The following KDM4C variants were observed in gnomAD, a reference collection of about 807,000 sequenced individuals.
The protein encoded by KDM4C is lysine-specific demethylase 4C.
A neutral mutation model predicts 129.3 loss-of-function variants in KDM4C; 81 were observed. The ratio of observed to expected loss-of-function variants is 0.63; its 90% confidence interval spans 0.52 to 0.75. The LOEUF (loss-of-function observed/expected upper bound fraction) is 0.75. Among genes scored for constraint, KDM4C ranks in the 30% least tolerant of loss-of-function variants. The pLI, the probability that KDM4C is intolerant of heterozygous loss-of-function variation, is 0.00. For synonymous variants in KDM4C, 573 were observed against 456.1 expected (o/e 1.26, Z -3.26); for missense variants, 1,457 against 1,304.0 (o/e 1.12, Z -1.81).
chr9:7,077,214 C>G (rs1319219560), intron 17 of KDM4C: 8 of 985,306 alleles, frequency 8.1e-6, no homozygotes, highest in Non-Finnish European at 9.6e-6. Flanking sequence ...CATTGGCATT[C>G]AAGATGCAAC....
At chr9:7,174,098 A>G (rs1845220312) in intron 21 of KDM4C, among the ~76,000 whole-genome samples, 1 of 152,252 alleles carries the variant, frequency 6.6e-6, no homozygotes, top group Non-Finnish European at 1.5e-5. Context: ...TTGGCAGACT[A>G]GTCAAGTCAG....
intron 19 of KDM4C, among the ~76,000 whole-genome samples, chr9:7,147,847 T>C (rs2130037250): frequency 6.6e-6 from 1 of 152,330 alleles, no homozygotes; most frequent in South Asian, 2.1e-4. Context: ...CCTTAGGGTG[T>C]TGCTTTGCCA....
chr9:6,952,687 T>A lies in KDM4C; in HGVS notation c.922-28238T>A, dbSNP rs556806873. Among the ~76,000 whole-genome samples, 22 of 152,194 alleles carry A rather than the reference T, an allele frequency of 1.4e-4. No homozygotes were observed. In the East Asian group the frequency reaches 4.2e-3, roughly 29 times the overall value. ...AACTCCTGACCTCAGTTGATTCACC[T>A]GCCTTGGCCTCCCAAACTGATGGGA... On this transcript the variant is annotated intron_variant, in intron 8 of 21. Coordinates refer to ENST00000381309, the MANE Select transcript of KDM4C (RefSeq NM_015061.6).
chr9:6,956,402 A>C (rs1353992758), intron 8 of KDM4C, among the ~76,000 whole-genome samples: 1 of 152,166 alleles, frequency 6.6e-6, no homozygotes, highest in Non-Finnish European at 1.5e-5. Flanking sequence ...AAAAATTTAA[A>C]AAATTAAAAA....
chr9:7,012,017 T>G, intron 13 of KDM4C, 138 bp downstream of exon 13: 5 of 648,816 alleles, frequency 7.7e-6, no homozygotes, highest in Non-Finnish European at 1.3e-5. Context: ...ATGGCTTTCA[T>G]AGAACCACAA....
intron 15 of KDM4C, among the ~76,000 whole-genome samples, chr9:7,029,148 A>G (rs1287252970): frequency 6.6e-6 from 1 of 152,114 alleles, no homozygotes; most frequent in Non-Finnish European, 1.5e-5. Context: ...TCCTCTCATT[A>G]CTTTTGACTT....
At chr9:7,015,728 A>C in intron 14 of KDM4C, 125 bp from the exon 15 acceptor site, 1 of 604,404 alleles carries the variant, frequency 1.7e-6, no homozygotes, top group Middle Eastern at 3.3e-4. Context: ...GTTTTGTTCT[A>C]TACAGTGAGA....
At chr9:6,807,282 G>A (rs1292050961) in intron 3 of KDM4C, among the ~76,000 whole-genome samples, 4 of 151,938 alleles carry the variant, frequency 2.6e-5, no homozygotes, top group Non-Finnish European at 4.4e-5. Context: ...TGCCGAGATT[G>A]CAGCCTCTGC....
chr9:6,856,574 G>T (rs796755931), intron 5 of KDM4C, among the ~76,000 whole-genome samples: 2 of 134,226 alleles, frequency 1.5e-5, no homozygotes, highest in African/African-American at 5.9e-5. Flanking sequence ...GTGTGTGTGT[G>T]TGTGTGTATT....
chr9:6,933,319 G>A (rs1157303898), intron 8 of KDM4C, among the ~76,000 whole-genome samples: 1 of 152,130 alleles, frequency 6.6e-6, no homozygotes, highest in Non-Finnish European at 1.5e-5. Flanking sequence ...TATGCCTAAG[G>A]GAAAGATAAA....
At chr9:6,963,668 G>A (rs111612479) in intron 8 of KDM4C, among the ~76,000 whole-genome samples, 2,052 of 152,302 alleles carry the variant, frequency 0.013, 46 homozygotes, top group African/African-American at 0.044. Context: ...TTTCATTGCT[G>A]TTTAAATTTA....
In KDM4C at chr9:7,128,078, T is replaced by C. The variant is rs1401163351; in HGVS notation, c.2623T>C (p.Cys875Arg). Residue 875 changes from cysteine to arginine, a missense_variant, in exon 19 of 22, where the codon TGC becomes CGC. Coordinates refer to ENST00000381309, the MANE Select transcript of KDM4C (RefSeq NM_015061.6). ...TCCCTTCTTTTAGAAGTCCAAGGCT[T>C]GCGAGAAGGTCATTTCCGTGGGTCA... Reference protein sequence around the residue: ...KVNPNVKSKACEKVISVGQTV... With the variant: ...KVNPNVKSKAREKVISVGQTV... The C allele has an allele frequency of 1.3e-6, 2 of 1,574,750 alleles. No homozygotes were observed. Among genetic ancestry groups the C allele is most frequent in the East Asian group, 4.7e-5 (2 of 42,654 alleles).
At chr9:7,019,698 A>AATATTTTTATATATAAAAATATT (rs1563992671) in intron 15 of KDM4C, among the ~76,000 whole-genome samples, 96 of 97,464 alleles carry the variant, frequency 9.8e-4, no homozygotes, top group South Asian at 2.7e-3. Flanking sequence ...ATAAAAATAT[A>AATATTTTTATATATAAAAATATT]ATATTTTTAT....
At chr9:7,113,278 G>C (rs1564134090) in intron 18 of KDM4C, among the ~76,000 whole-genome samples, 1 of 152,322 alleles carries the variant, frequency 6.6e-6, no homozygotes, top group Non-Finnish European at 1.5e-5. Context: ...ACTTATCCCA[G>C]ATGATAGAAA....
intron 1 of KDM4C, among the ~76,000 whole-genome samples, chr9:6,741,676 CTTT>C (rs71315557): frequency 2.1e-5 from 2 of 94,090 alleles, no homozygotes; most frequent in Admixed American, 1.1e-4. Context: ...GGTGGCAGCT[CTTT>C]TTTTTTTTTT....
In KDM4C at chr9:6,758,001, C is replaced by A; in HGVS notation, c.-220C>A. The A allele has an allele frequency of 3.0e-6, 3 of 985,414 alleles. No homozygotes were observed. Among genetic ancestry groups the A allele is most frequent in the South Asian group, 9.4e-5 (2 of 21,288 alleles). 61.0% of individuals were successfully genotyped at this position (985,414 alleles called of 1,614,324 possible). A position where few individuals can be genotyped will look rare whatever the true frequency, so the allele number is the denominator to read the frequency against. ...GCCGGCGGTGCGCGCGCCTTCGCCG[C>A]TGCCTCCCACCCACCCCCTCGACGG... On this transcript the variant is annotated 5_prime_UTR_variant, in exon 1 of 22. It adds an upstream start codon to the 5' untranslated region. Transcript: ENST00000381309. This position sits in a 1 kb window ranked among gnomAD's most constrained non-coding sequence, Gnocchi z 4.6.
chr9:6,862,761 C>T (rs1262222528), intron 5 of KDM4C, among the ~76,000 whole-genome samples: 2 of 152,214 alleles, frequency 1.3e-5, no homozygotes, highest in East Asian at 3.9e-4. Flanking sequence ...GAGCCGAGAT[C>T]ACGCCACTGT....
At chr9:6,935,076 G>A (rs143405180) in intron 8 of KDM4C, among the ~76,000 whole-genome samples, 35 of 152,024 alleles carry the variant, frequency 2.3e-4, no homozygotes, top group South Asian at 1.2e-3. Context: ...TATTAAATAC[G>A]AAGTTCCTTA....
At chr9:7,070,166 C>G (rs994297585) in intron 17 of KDM4C, among the ~76,000 whole-genome samples, 1 of 152,076 alleles carries the variant, frequency 6.6e-6, no homozygotes, top group East Asian at 1.9e-4. Context: ...TCAAAACTCA[C>G]CCAACAAGAA....
Sources: gnomAD v4.1 joint callset for allele counts (sites outside exome capture counted in the v4.1 genomes callset) on GRCh38, gnomAD v4.1.1 for gene constraint, Gnocchi (gnomAD v3.1) non-coding constraint, MANE v1.5 for transcripts, NCBI Gene and HGNC (gene_info 2026-07-23, HGNC 2026-07-21) for gene names.